PKHD1: variants seen among roughly 807,000 people sequenced by gnomAD.
The protein encoded by PKHD1 is fibrocystin.
Under a neutral mutation model 412.0 loss-of-function variants are expected in PKHD1, and 291 were observed. The ratio of observed to expected loss-of-function variants is 0.71; its 90% confidence interval spans 0.64 to 0.78. The LOEUF is 0.78. PKHD1 is among the 30% of genes least tolerant of loss of function. The pLI, the probability that PKHD1 is intolerant of heterozygous loss-of-function variation, is 0.00. For synonymous variants in PKHD1, 1,777 were observed against 1,821.5 expected, an observed-to-expected ratio of 0.98 and a Z score of 0.62; for missense variants, 4,825 against 4,950.7, an observed-to-expected ratio of 0.97 and a Z score of 0.76.
At chr6:51,809,194 GAT>G (rs1441020618) in intron 52 of PKHD1, among the ~76,000 whole-genome samples, 1 of 151,984 alleles carries the variant, frequency 6.6e-6, no homozygotes, top group Non-Finnish European at 1.5e-5. Context: ...ATTTCCTTTT[GAT>G]TCCTTTATAT....
chr6:51,717,756 G>A (rs547919239), intron 60 of PKHD1, among the ~76,000 whole-genome samples: 15 of 152,260 alleles, frequency 9.9e-5, no homozygotes, highest in African/African-American at 1.7e-4. Flanking sequence ...TAAGCAATCC[G>A]TCAATAGGCA....
chr6:51,660,183 A>G (rs1411113750), intron 60 of PKHD1, among the ~76,000 whole-genome samples: 2 of 152,240 alleles, frequency 1.3e-5, no homozygotes, highest in East Asian at 1.9e-4. Context: ...TATATGTTAC[A>G]TAATATGTTA....
intron 55 of PKHD1, among the ~76,000 whole-genome samples, chr6:51,763,259 A>C (rs1187847995): frequency 6.6e-6 from 1 of 152,104 alleles, no homozygotes; most frequent in East Asian, 1.9e-4. Context: ...TATAGCATTG[A>C]AAGATTTAAA....
chr6:51,699,402 T>C (rs1225620677), intron 60 of PKHD1, among the ~76,000 whole-genome samples: 3 of 152,212 alleles, frequency 2.0e-5, no homozygotes, highest in Admixed American at 6.5e-5. Context: ...AGTTGTTGCA[T>C]GTATCAATAG....
intron 60 of PKHD1, among the ~76,000 whole-genome samples, chr6:51,662,336 C>CCACA (rs146119481): frequency 6.6e-6 from 1 of 150,760 alleles, no homozygotes; most frequent in South Asian, 2.1e-4. Flanking sequence ...CATATTCTCA[C>CCACA]CACACACACA....
chr6:51,816,798 C>T (rs959984227), intron 52 of PKHD1, among the ~76,000 whole-genome samples: 1 of 152,204 alleles, frequency 6.6e-6, no homozygotes, highest in African/African-American at 2.4e-5. Flanking sequence ...CATGGCTGCA[C>T]GAGAGCCTCT....
At chr6:51,739,947 G>A (rs1339247150) in intron 60 of PKHD1, 2 of 518,210 alleles carry the variant, frequency 3.9e-6, no homozygotes, top group Non-Finnish European at 7.7e-6. Flanking sequence ...ACTGAGTTTG[G>A]AGCCAGAATG....
At chr6:51,767,946 G>C (rs1035741912) in intron 55 of PKHD1, among the ~76,000 whole-genome samples, 3 of 152,072 alleles carry the variant, frequency 2.0e-5, no homozygotes, top group Admixed American at 1.3e-4. Context: ...GTGTAAAAGT[G>C]TTCCTATTTC....
intron 65 of PKHD1, among the ~76,000 whole-genome samples, chr6:51,629,608 AC>A (rs1301541887): frequency 6.6e-6 from 1 of 152,128 alleles, no homozygotes; most frequent in Non-Finnish European, 1.5e-5. Flanking sequence ...AAGAGAAAAA[AC>A]AAAAGCCAAT....
intron 36 of PKHD1, among the ~76,000 whole-genome samples, chr6:51,951,513 A>G (rs1213617443): frequency 6.6e-6 from 1 of 152,136 alleles, no homozygotes; most frequent in Non-Finnish European, 1.5e-5. Flanking sequence ...TGTTTTTTCA[A>G]AAGGTTCCAA....
intron 65 of PKHD1, among the ~76,000 whole-genome samples, chr6:51,632,161 C>T (rs1359750551): frequency 1.3e-5 from 2 of 151,974 alleles, no homozygotes; most frequent in Non-Finnish European, 2.9e-5. Context: ...CCAGGCTGGT[C>T]TCGAAATCCT....
At chr6:51,869,020 A>G (rs1254011696) in intron 47 of PKHD1, among the ~76,000 whole-genome samples, 2 of 152,170 alleles carry the variant, frequency 1.3e-5, no homozygotes, top group Non-Finnish European at 2.9e-5. Context: ...TATAAAAAAA[A>G]GAAAATAAAA....
At chr6:51,796,159 C>T (rs1157277029) in intron 52 of PKHD1, among the ~76,000 whole-genome samples, 1 of 152,134 alleles carries the variant, frequency 6.6e-6, no homozygotes, top group Non-Finnish European at 1.5e-5. Flanking sequence ...GGTTGGTAGG[C>T]TACTTATTAC....
In PKHD1 at chr6:52,025,256, T is replaced by C. The variant is rs1562163878; in HGVS notation, c.4554A>G (p.Val1518=). 2 of 1,614,064 alleles carry C rather than the reference T, an allele frequency of 1.2e-6. No individual in the cohort carries two copies. Among genetic ancestry groups the C allele is most frequent in the African/African-American group, 1.3e-5 (1 of 75,028 alleles). Residue 1518 remains valine, a synonymous_variant, in exon 32 of 67, where the codon GTA becomes GTG. Coordinates refer to ENST00000371117, the MANE Select transcript of PKHD1 (RefSeq NM_138694.4). ...RLATTADEPM[V]FVDDQLPCNV... is the part of the protein sequence containing the mutation. ...TGCAAGGAAGTTGATCATCCACAAA[T>C]ACCATCGGCTCATCAGCTGTGGTGG...
chr6:51,770,963 AG>A (rs1213130711), intron 55 of PKHD1, among the ~76,000 whole-genome samples: 2 of 152,130 alleles, frequency 1.3e-5, no homozygotes, highest in Non-Finnish European at 2.9e-5. Context: ...TCAATCAGCC[AG>A]AAGACCTTAA....
chr6:51,880,779 T>TAAAAAAAAAAAAAAAAAAAA (rs71544105), intron 46 of PKHD1, among the ~76,000 whole-genome samples: 9 of 30,042 alleles, frequency 3.0e-4, no homozygotes, highest in African/African-American at 8.1e-4. Flanking sequence ...AAAAAAAAAT[T>TAAAAAAAAAAAAAAAAAAAA]AAAAAAAAAA....
At chr6:52,080,222 G>A (rs1811845428) in intron 4 of PKHD1, among the ~76,000 whole-genome samples, 1 of 152,098 alleles carries the variant, frequency 6.6e-6, no homozygotes, top group Non-Finnish European at 1.5e-5. Flanking sequence ...TTTTTGTGTT[G>A]AAACTCCCTG....
At chr6:52,009,682 C>T (rs1035873191) in intron 35 of PKHD1, among the ~76,000 whole-genome samples, 1 of 152,044 alleles carries the variant, frequency 6.6e-6, no homozygotes, top group Admixed American at 6.6e-5. Context: ...CGCAAATTCC[C>T]GGGGAAGGCT....
chr6:51,899,401 G>C (rs1325416801), intron 43 of PKHD1, among the ~76,000 whole-genome samples: 1 of 152,088 alleles, frequency 6.6e-6, no homozygotes, highest in South Asian at 2.1e-4. Context: ...TATAAACAGA[G>C]CCAAAGACAA....
Sources: gnomAD v4.1 joint callset for allele counts (sites outside exome capture counted in the v4.1 genomes callset) on GRCh38, gnomAD v4.1.1 for gene constraint, MANE v1.5 for transcripts, NCBI Gene and HGNC (gene_info 2026-07-23, HGNC 2026-07-21) for gene names.